STK32B: variants seen among roughly 807,000 people sequenced by gnomAD.
The protein encoded by STK32B is serine/threonine-protein kinase 32B.
STK32B carries 43 observed loss-of-function variants against 52.6 expected under a neutral mutation model. The ratio of observed to expected loss-of-function variants is 0.82; its 90% CI spans 0.64 to 1.05. The LOEUF (loss-of-function observed/expected upper bound fraction) is 1.05, where lower values mean the gene tolerates loss of function less well. Among genes scored for constraint, STK32B ranks in the 50% least tolerant of loss-of-function variants. The pLI, the probability that STK32B is intolerant of heterozygous loss-of-function variation, is 0.00. For synonymous variants in STK32B, 238 were observed against 204.3 expected (o/e 1.17, Z -1.41); for missense variants, 621 against 534.6 (o/e 1.16, Z -1.59).
chr4:5,097,358 T>C (rs1713460574), intron 1 of STK32B, among the ~76,000 whole-genome samples: 1 of 152,242 alleles, frequency 6.6e-6, no homozygotes, highest in African/African-American at 2.4e-5. Context: ...GTTTACTCTT[T>C]GTTCACAGTT....
chr4:5,292,671 A>G (rs1243758727), intron 3 of STK32B, among the ~76,000 whole-genome samples: 1 of 151,732 alleles, frequency 6.6e-6, no homozygotes, highest in Non-Finnish European at 1.5e-5. Flanking sequence ...TTGTCAATTT[A>G]TTTTTGTTTT....
At chr4:5,288,172 T>A (rs914385108) in intron 3 of STK32B, among the ~76,000 whole-genome samples, 3 of 152,214 alleles carry the variant, frequency 2.0e-5, no homozygotes, top group African/African-American at 7.2e-5. Context: ...TTCAATTGTT[T>A]CCCTATTTTG....
chr4:5,411,798 C>T (rs195113), intron 5 of STK32B, among the ~76,000 whole-genome samples: 85,568 of 151,738 alleles, frequency 0.56, 25,594 homozygotes, highest in Middle Eastern at 0.73. Context: ...GACTACTGGA[C>T]TTTGCAACTG....
intron 3 of STK32B, among the ~76,000 whole-genome samples, chr4:5,191,000 C>A (rs1992832): frequency 0.9 from 136,259 of 152,178 alleles, 61,136 homozygotes; most frequent in East Asian, 0.98. Context: ...CTGATGCAAT[C>A]AAAGTTGTTT....
At chr4:5,241,197 C>T (rs1365302114) in intron 3 of STK32B, among the ~76,000 whole-genome samples, 3 of 152,028 alleles carry the variant, frequency 2.0e-5, no homozygotes, top group Admixed American at 1.3e-4. Flanking sequence ...TTTTTGTCTG[C>T]ACTGCTGTTT....
chr4:5,468,189 G>A (rs41268643), intron 11 of STK32B, 119 bp downstream of exon 11: 412,269 of 977,398 alleles, frequency 0.42, 92,688 homozygotes, highest in African/African-American at 0.64. Context: ...GGAAGGTATC[G>A]CTGAGGTGAG....
At chr4:5,319,380 C>G (rs1377345486) in intron 3 of STK32B, among the ~76,000 whole-genome samples, 3 of 152,174 alleles carry the variant, frequency 2.0e-5, no homozygotes, top group African/African-American at 7.2e-5. Flanking sequence ...CAAAGGTCCT[C>G]CAACTAATTG....
intron 3 of STK32B, among the ~76,000 whole-genome samples, chr4:5,266,330 A>G (rs1207353225): frequency 1.3e-5 from 2 of 152,250 alleles, no homozygotes; most frequent in African/African-American, 2.4e-5. Flanking sequence ...AACTGAGCAT[A>G]TAATGTGGGA....
intron 3 of STK32B, among the ~76,000 whole-genome samples, chr4:5,267,607 G>C (rs998448973): frequency 3.9e-5 from 6 of 152,190 alleles, no homozygotes; most frequent in African/African-American, 1.4e-4. Context: ...CTGGCACACA[G>C]TAAGTCAGTC....
At chr4:5,214,848 T>G (rs552353672) in intron 3 of STK32B, among the ~76,000 whole-genome samples, 22 of 152,196 alleles carry the variant, frequency 1.4e-4, no homozygotes, top group Non-Finnish European at 2.2e-4. Flanking sequence ...GTGAGAGAGG[T>G]ATGAACAAAG....
At chr4:5,408,786 A>G (rs1159538229) in intron 5 of STK32B, among the ~76,000 whole-genome samples, 1 of 152,110 alleles carries the variant, frequency 6.6e-6, no homozygotes, top group Non-Finnish European at 1.5e-5. Flanking sequence ...AAAGAGCCCC[A>G]TATGATGGAA....
intron 3 of STK32B, among the ~76,000 whole-genome samples, chr4:5,248,304 C>A (rs968261141): frequency 6.6e-6 from 1 of 152,154 alleles, no homozygotes; most frequent in Non-Finnish European, 1.5e-5. Context: ...CATGTAGATG[C>A]CCTAGGCTTT....
chr4:5,090,394 G>A (rs1050694818), intron 1 of STK32B, among the ~76,000 whole-genome samples: 2 of 57,908 alleles, frequency 3.5e-5, no homozygotes, highest in African/African-American at 1.9e-4. Context: ...TTTTTTTTTC[G>A]AGACAGAGTC....
intron 3 of STK32B, among the ~76,000 whole-genome samples, chr4:5,318,319 T>A (rs1346669056): frequency 6.6e-6 from 1 of 152,040 alleles, no homozygotes; most frequent in African/African-American, 2.4e-5. Flanking sequence ...AAGGCCTGCC[T>A]GGGGAGTTGT....
chr4:5,327,651 A>G (rs1731965693), intron 3 of STK32B, among the ~76,000 whole-genome samples: 2 of 151,904 alleles, frequency 1.3e-5, no homozygotes, highest in African/African-American at 4.8e-5. Context: ...GGGGTTTTTT[A>G]TTCCACTTAT....
At chr4:5,313,082 T>C (rs1367553501) in intron 3 of STK32B, among the ~76,000 whole-genome samples, 2 of 149,666 alleles carry the variant, frequency 1.3e-5, no homozygotes, top group African/African-American at 2.5e-5. Flanking sequence ...AAAAATATTA[T>C]TAGGTTGGAG....
chr4:5,210,231 C>T (rs751101324), intron 3 of STK32B, among the ~76,000 whole-genome samples: 4 of 152,068 alleles, frequency 2.6e-5, no homozygotes, highest in East Asian at 3.9e-4. Flanking sequence ...CCTCCTCCTC[C>T]TCTTTCTTCT....
Position 5,264,492 on chromosome 4 carries a change from ATTG to A in STK32B, c.261-66723_261-66721del, listed in dbSNP as rs1380122370. Among the ~76,000 whole-genome samples the A allele has an allele frequency of 1.0e-4, 11 of 109,648 alleles. No homozygotes were observed. The East Asian group carries it at 2.6e-3, about 26-fold the overall frequency. The allele number at this position is 109,648 out of a possible 152,430, so 71.9% of individuals were successfully genotyped here. A position where few individuals can be genotyped will look rare whatever the true frequency, so the allele number is the denominator to read the frequency against. ...CTATTTTTAAAACTTAAAAAAAAAA[ATTG>A]TTGTGTTGTGACTGGGCGCGGTGGC... is the stretch of plus-strand genomic sequence containing the variant. On this transcript the variant is annotated intron_variant, in intron 3 of 11. Coordinates refer to ENST00000282908, the MANE Select transcript of STK32B (RefSeq NM_018401.3).
chr4:5,252,318 A>G lies in STK32B; in HGVS notation c.261-78902A>G, dbSNP rs561460182. Among the ~76,000 whole-genome samples the G allele has an allele frequency of 2.6e-5, 4 of 152,328 alleles. No homozygotes were observed. The South Asian group carries it at 6.2e-4, about 24-fold the overall frequency. ...AGACACATTGGATAAAGAACCTCCAATTCTTATAAGAACATTGTGAGATCA... is the reference window on the plus strand; with the variant it reads ...AGACACATTGGATAAAGAACCTCCAGTTCTTATAAGAACATTGTGAGATCA... On this transcript the variant is annotated intron_variant, in intron 3 of 11. Coordinates refer to ENST00000282908, the MANE Select transcript of STK32B (RefSeq NM_018401.3).
Sources: gnomAD v4.1 joint callset for allele counts (sites outside exome capture counted in the v4.1 genomes callset) on GRCh38, gnomAD v4.1.1 for gene constraint, MANE v1.5 for transcripts, NCBI Gene and HGNC (gene_info 2026-07-23, HGNC 2026-07-21) for gene names.